SLC35F4: variants seen among roughly 807,000 people sequenced by gnomAD.
SLC35F4 encodes solute carrier family 35 member F4.
SLC35F4 carries 24 observed loss-of-function variants against 44.2 expected under a neutral mutation model. The observed-to-expected ratio is 0.54, with a 90% confidence interval of 0.39 to 0.76. SLC35F4 has a LOEUF of 0.76. Among genes scored for constraint, SLC35F4 ranks in the 30% least tolerant of loss-of-function variants. SLC35F4 has a pLI of 0.00. For synonymous variants in SLC35F4, 238 were observed against 223.6 expected, an observed-to-expected ratio of 1.06 and a Z score of -0.57; for missense variants, 562 against 586.1, an observed-to-expected ratio of 0.96 and a Z score of 0.42.
chr14:57,747,821 T>G (rs1377981216), intron 1 of SLC35F4, among the ~76,000 whole-genome samples: 1 of 152,242 alleles, frequency 6.6e-6, no homozygotes, highest in Non-Finnish European at 1.5e-5. Flanking sequence ...AGCTGACATA[T>G]TCACATGAAA....
At chr14:57,912,264 C>G (rs1180937648) in intron 1 of SLC35F4, among the ~76,000 whole-genome samples, 4 of 151,736 alleles carry the variant, frequency 2.6e-5, no homozygotes, top group Non-Finnish European at 4.4e-5. Context: ...AATTTCTGTT[C>G]TAATCTTTAT....
At chr14:57,868,653 T>A (rs1888232954), upstream of SLC35F4, among the ~76,000 whole-genome samples, 1 of 152,060 alleles carries the variant, frequency 6.6e-6, no homozygotes, top group Non-Finnish European at 1.5e-5. Flanking sequence ...TTTTTTTGTA[T>A]TTTTAGTAGA....
At position 57,594,120 on chromosome 14, in the gene SLC35F4, G is replaced by C; in HGVS notation, c.108C>G (p.Thr36=). ...YYPGYSSQKS[T]SRSSVTRCKP... ...TACATCTAGTGACTGATGATCTGGA[G>C]GTACCTGGAAAGACAGAGTTCACGC... Residue 36 remains threonine (T), a synonymous_variant, in exon 2 of 8, where the codon ACC becomes ACG. Coordinates refer to ENST00000556826, the MANE Select transcript of SLC35F4 (RefSeq NM_001306087.2). The C allele has an allele frequency of 6.2e-7, 1 of 1,613,404 alleles. No individual in the cohort carries two copies. The highest frequency in any genetic ancestry group is 2.2e-5 in the East Asian group (1 of 44,874).
At chr14:57,979,644 G>A (rs1358079935) in intron 1 of SLC35F4, among the ~76,000 whole-genome samples, 1 of 152,228 alleles carries the variant, frequency 6.6e-6, no homozygotes, top group Non-Finnish European at 1.5e-5. Flanking sequence ...CAATGCAAGA[G>A]GGAAACTGAT....
chr14:57,684,067 G>A (rs1390722182), intron 1 of SLC35F4, among the ~76,000 whole-genome samples: 1 of 152,068 alleles, frequency 6.6e-6, no homozygotes. Flanking sequence ...CCAGCCGCAG[G>A]GCACTCATGC....
At chr14:57,646,636 A>C (rs1288476536) in intron 1 of SLC35F4, among the ~76,000 whole-genome samples, 2 of 148,630 alleles carry the variant, frequency 1.3e-5, no homozygotes, top group African/African-American at 5.2e-5. Context: ...TTCTGCTCTG[A>C]TCTTAGTTAT....
intron 1 of SLC35F4, among the ~76,000 whole-genome samples, chr14:57,936,243 A>C (rs1035961072): frequency 2.6e-5 from 4 of 152,246 alleles, no homozygotes; most frequent in African/African-American, 9.7e-5. Context: ...GGCATGGATC[A>C]GATGTATTTT....
intron 1 of SLC35F4, among the ~76,000 whole-genome samples, chr14:57,813,928 G>A (rs993015394): frequency 1.3e-5 from 2 of 152,166 alleles, no homozygotes; most frequent in Admixed American, 6.6e-5. Context: ...CCAATAAATC[G>A]TTGTGGGGAC....
intron 1 of SLC35F4, among the ~76,000 whole-genome samples, chr14:57,844,847 A>C (rs1032755960): frequency 6.6e-5 from 10 of 152,106 alleles, no homozygotes; most frequent in African/African-American, 2.4e-4. Context: ...GAAAACTGTA[A>C]GATTCCAGAC....
chr14:57,758,001 ATGTGTGTGTGTGTGTGTGTG>A (rs34860997), intron 1 of SLC35F4, among the ~76,000 whole-genome samples: 1 of 128,922 alleles, frequency 7.8e-6, no homozygotes, highest in Admixed American at 8.0e-5. Flanking sequence ...TTATAGGTTC[ATGTGTGTGTGTGTGTGTGTG>A]TGTGTGTGTG....
intron 1 of SLC35F4, among the ~76,000 whole-genome samples, chr14:57,727,822 T>A (rs926195076): frequency 6.6e-6 from 1 of 152,228 alleles, no homozygotes; most frequent in Non-Finnish European, 1.5e-5. Flanking sequence ...TCCTTGAGAA[T>A]GAACCATGTG....
At chr14:57,889,534 G>C (rs1341734288) in intron 1 of SLC35F4, among the ~76,000 whole-genome samples, 1 of 152,226 alleles carries the variant, frequency 6.6e-6, no homozygotes, top group African/African-American at 2.4e-5. Flanking sequence ...TGCCAGGCAG[G>C]CTCTATTGTC....
chr14:57,855,315 A>G (rs1225777477), intron 1 of SLC35F4, among the ~76,000 whole-genome samples: 1 of 152,216 alleles, frequency 6.6e-6, no homozygotes, highest in Non-Finnish European at 1.5e-5. Flanking sequence ...ACCAGAATCT[A>G]CAAAGAACTT....
chr14:57,587,826 C>G (rs939906651), intron 3 of SLC35F4, among the ~76,000 whole-genome samples: 1 of 142,730 alleles, frequency 7.0e-6, no homozygotes, highest in Non-Finnish European at 1.5e-5. Flanking sequence ...ATTAAACATT[C>G]TTCAAGGCCA....
At chr14:57,755,984 G>A (rs2076986197) in intron 1 of SLC35F4, among the ~76,000 whole-genome samples, 1 of 152,186 alleles carries the variant, frequency 6.6e-6, no homozygotes, top group African/African-American at 2.4e-5. Flanking sequence ...CGTGACAAAT[G>A]TAGTGATGCC....
intron 1 of SLC35F4, among the ~76,000 whole-genome samples, chr14:57,629,057 C>T (rs1258112057): frequency 1.3e-5 from 2 of 152,240 alleles, no homozygotes; most frequent in East Asian, 3.9e-4. Context: ...TGTTCAGAGA[C>T]ATGGTCGGAG....
chr14:57,683,178 T>G (rs2074960540), intron 1 of SLC35F4, among the ~76,000 whole-genome samples: 1 of 152,222 alleles, frequency 6.6e-6, no homozygotes, highest in Non-Finnish European at 1.5e-5. Flanking sequence ...TAGTGCATTA[T>G]TTTATCCCCA....
chr14:57,957,702 G>A (rs1890264323), intron 1 of SLC35F4, among the ~76,000 whole-genome samples: 1 of 152,184 alleles, frequency 6.6e-6, no homozygotes, highest in African/African-American at 2.4e-5. Context: ...GCAAAGGGTA[G>A]TGCAAGAAGC....
intron 1 of SLC35F4, among the ~76,000 whole-genome samples, chr14:57,950,675 CT>C (rs59027196): frequency 8.0e-4 from 101 of 127,036 alleles, no homozygotes; most frequent in South Asian, 1.0e-3. Context: ...TTCTTTCTTT[CT>C]TTTTTTTTTT....
Sources: allele counts gnomAD v4.1 joint callset (sites outside exome capture counted in the v4.1 genomes callset), GRCh38; gene constraint gnomAD v4.1.1; transcripts MANE v1.5; gene names NCBI Gene and HGNC (gene_info 2026-07-23, HGNC 2026-07-21).